The following PSD3 variants were observed in gnomAD, a reference collection of about 807,000 sequenced individuals.
The protein encoded by PSD3 is PH and SEC7 domain-containing protein 3.
A neutral mutation model predicts 105.5 loss-of-function variants in PSD3; 49 were observed. The observed-to-expected ratio is 0.46, with a 90% CI of 0.37 to 0.59. The LOEUF is 0.59. PSD3 is among the 20% of genes least tolerant of loss of function. The pLI, the probability that PSD3 is intolerant of heterozygous loss-of-function variation, is 0.00. For synonymous variants in PSD3, 557 were observed against 457.8 expected (o/e 1.22, Z -2.77); for missense variants, 1,561 against 1,263.8 (o/e 1.24, Z -3.57).
chr8:18,619,781 G>C (rs1285209955), intron 11 of PSD3, among the ~76,000 whole-genome samples: 1 of 152,134 alleles, frequency 6.6e-6, no homozygotes. Flanking sequence ...CTCTGGTATA[G>C]CATCACATGA....
At chr8:18,802,392 A>T in intron 6 of PSD3, 1 of 420,526 alleles carries the variant, frequency 2.4e-6, no homozygotes, top group South Asian at 1.7e-5. Flanking sequence ...ATCATTCAAA[A>T]TGTCTAAGAA....
At chr8:18,994,047 C>T (rs1216983477) in intron 1 of PSD3, among the ~76,000 whole-genome samples, 1 of 151,906 alleles carries the variant, frequency 6.6e-6, no homozygotes, top group Non-Finnish European at 1.5e-5. Context: ...ACTAGAGTTC[C>T]GTATCCTAGA....
chr8:18,687,508 G>A (rs1800723994), intron 9 of PSD3, among the ~76,000 whole-genome samples: 1 of 150,900 alleles, frequency 6.6e-6, no homozygotes, highest in African/African-American at 2.4e-5. Context: ...CTGAAAAAAT[G>A]AATACAATAA....
intron 15 of PSD3, among the ~76,000 whole-genome samples, chr8:18,555,877 A>G (rs1465056849): frequency 6.6e-6 from 1 of 152,232 alleles, no homozygotes; most frequent in Non-Finnish European, 1.5e-5. Flanking sequence ...TTCTGCCGGA[A>G]GAGACACAGG....
At chr8:18,616,042 C>G (rs1422876578) in intron 11 of PSD3, among the ~76,000 whole-genome samples, 2 of 152,212 alleles carry the variant, frequency 1.3e-5, no homozygotes, top group Non-Finnish European at 2.9e-5. Flanking sequence ...ACTTGCTTTT[C>G]CCCAACCTAG....
intron 1 of PSD3, among the ~76,000 whole-genome samples, chr8:19,003,013 T>C (rs1826483620): frequency 6.6e-6 from 1 of 152,052 alleles, no homozygotes; most frequent in African/African-American, 2.4e-5. Flanking sequence ...GCCTACTTAC[T>C]GTCTTTCCAA....
At chr8:18,874,347 A>C (rs1817594179) in intron 2 of PSD3, among the ~76,000 whole-genome samples, 1 of 151,504 alleles carries the variant, frequency 6.6e-6, no homozygotes, top group African/African-American at 2.4e-5. Flanking sequence ...TTTTGTTTTA[A>C]GTAGAGACGG....
chr8:18,867,066 A>T (rs1031915067), intron 4 of PSD3, among the ~76,000 whole-genome samples: 3 of 152,180 alleles, frequency 2.0e-5, no homozygotes, highest in Admixed American at 6.5e-5. Context: ...TTGTCATTTT[A>T]TCTCCCAGAT....
intron 4 of PSD3, among the ~76,000 whole-genome samples, chr8:18,806,140 A>C (rs576518335): frequency 3.2e-4 from 49 of 152,306 alleles, no homozygotes; most frequent in African/African-American, 1.1e-3. Flanking sequence ...GGATTTTTTT[A>C]AAGGTGAAAC....
At chr8:18,937,725 A>C (rs1359153125) in intron 1 of PSD3, among the ~76,000 whole-genome samples, 1 of 152,146 alleles carries the variant, frequency 6.6e-6, no homozygotes, top group Non-Finnish European at 1.5e-5. Context: ...CCCAATAGAG[A>C]GGAAATATTA....
chr8:18,798,580 C>G (rs2129702), intron 8 of PSD3, among the ~76,000 whole-genome samples: 33,813 of 151,886 alleles, frequency 0.22, 4,466 homozygotes, highest in East Asian at 0.37. Flanking sequence ...TACGGCAAAT[C>G]AAGGGATAAT....
intron 15 of PSD3, among the ~76,000 whole-genome samples, chr8:18,547,370 G>A (rs998436186): frequency 2.0e-5 from 3 of 152,198 alleles, no homozygotes; most frequent in African/African-American, 7.2e-5. Flanking sequence ...TGCTGCGGCT[G>A]TGGTATACTC....
chr8:18,997,874 C>G (rs770744616), intron 1 of PSD3, among the ~76,000 whole-genome samples: 2 of 152,078 alleles, frequency 1.3e-5, no homozygotes, highest in Non-Finnish European at 2.9e-5. Context: ...AAACTCCCTC[C>G]TCTGCCTTAT....
chr8:19,073,152 T>TTC (rs1554578370), intron 1 of PSD3, among the ~76,000 whole-genome samples: 2 of 151,900 alleles, frequency 1.3e-5, no homozygotes, highest in African/African-American at 4.8e-5. Context: ...CCATTTTTTT[T>TTC]CCCATAAGGC....
At chr8:18,943,371 C>G (rs1412416494) in intron 1 of PSD3, among the ~76,000 whole-genome samples, 1 of 152,290 alleles carries the variant, frequency 6.6e-6, no homozygotes, top group African/African-American at 2.4e-5. Flanking sequence ...CATTTGCCCT[C>G]ATCCAAAGCT....
intron 11 of PSD3, among the ~76,000 whole-genome samples, chr8:18,620,342 G>GTGTTTTTT (rs773701352): frequency 2.5e-5 from 3 of 121,736 alleles, no homozygotes; most frequent in African/African-American, 9.3e-5. Flanking sequence ...TTGGGTTTGT[G>GTGTTTTTT]TTTTTTTTTT....
At chr8:19,041,913 G>A (rs2129476734) in intron 1 of PSD3, among the ~76,000 whole-genome samples, 1 of 152,178 alleles carries the variant, frequency 6.6e-6, no homozygotes, top group Middle Eastern at 3.4e-3. Context: ...TTTGAAAAGG[G>A]GAGACAAGAC....
upstream of PSD3, among the ~76,000 whole-genome samples, chr8:19,017,339 G>A (rs1161501368): frequency 1.3e-5 from 2 of 152,076 alleles, no homozygotes; most frequent in East Asian, 1.9e-4. Flanking sequence ...ATGAGTGACC[G>A]TGCCCAGCCT....
At chr8:18,672,614 A>AT (rs1329493845) in intron 9 of PSD3, among the ~76,000 whole-genome samples, 1 of 152,214 alleles carries the variant, frequency 6.6e-6, no homozygotes, top group Non-Finnish European at 1.5e-5. Flanking sequence ...GAGAAAATAA[A>AT]TTTTTTAAAG....
Sources: gnomAD v4.1 joint callset for allele counts (sites outside exome capture counted in the v4.1 genomes callset) on GRCh38, gnomAD v4.1.1 for gene constraint, MANE v1.5 for transcripts, NCBI Gene and HGNC (gene_info 2026-07-23, HGNC 2026-07-21) for gene names.